DAB1: variants seen among roughly 807,000 people sequenced by gnomAD.
DAB1 encodes DAB adaptor protein 1.
A neutral mutation model predicts 64.6 loss-of-function variants in DAB1; 15 were observed. The observed-to-expected ratio is 0.23, with a 90% confidence interval of 0.16 to 0.36. The LOEUF (loss-of-function observed/expected upper bound fraction) is 0.36. DAB1 is among the 10% of genes least tolerant of loss of function. DAB1 has a pLI of 1.00. For synonymous variants in DAB1, 235 were observed against 251.9 expected, an observed-to-expected ratio of 0.93 and a Z score of 0.64; for missense variants, 596 against 706.7, an observed-to-expected ratio of 0.84 and a Z score of 1.78.
chr1:57,264,670 A>C (rs1295808178), intron 2 of DAB1, among the ~76,000 whole-genome samples: 1 of 150,828 alleles, frequency 6.6e-6, no homozygotes, highest in Non-Finnish European at 1.5e-5. Context: ...TGACGCCTAA[A>C]CATTGAGAGC....
intron 4 of DAB1, among the ~76,000 whole-genome samples, chr1:57,109,754 G>A (rs543977241): frequency 1.3e-5 from 2 of 152,232 alleles, no homozygotes; most frequent in Non-Finnish European, 2.9e-5. Context: ...TTCCTGATGA[G>A]AATAGGAAAA....
chr1:57,051,509 T>C (rs1409099150), intron 9 of DAB1, among the ~76,000 whole-genome samples: 2 of 152,142 alleles, frequency 1.3e-5, no homozygotes. Flanking sequence ...ATTAATGGAT[T>C]GAAGCTTCTG....
intron 7 of DAB1, among the ~76,000 whole-genome samples, chr1:57,534,146 G>A (rs894441416): frequency 6.6e-6 from 1 of 152,124 alleles, no homozygotes; most frequent in Non-Finnish European, 1.5e-5. Context: ...TCATCCAGGA[G>A]TGCTCTGAAA....
At chr1:58,489,372 C>T (rs955852482) in intron 3 of DAB1, among the ~76,000 whole-genome samples, 4 of 152,214 alleles carry the variant, frequency 2.6e-5, no homozygotes, top group African/African-American at 9.6e-5. Context: ...GATCAAACTG[C>T]AAGGTGGCAG....
chr1:58,352,795 T>A (rs1644071263), intron 3 of DAB1, among the ~76,000 whole-genome samples: 2 of 152,094 alleles, frequency 1.3e-5, no homozygotes, highest in South Asian at 4.1e-4. Flanking sequence ...GAATGAAGCC[T>A]GATGAATGGG....
chr1:57,515,954 A>G (rs1318585141), intron 7 of DAB1, among the ~76,000 whole-genome samples: 2 of 152,240 alleles, frequency 1.3e-5, no homozygotes, highest in Non-Finnish European at 2.9e-5. Context: ...CCCATTGAAG[A>G]TTCCCTGAGC....
intron 3 of DAB1, among the ~76,000 whole-genome samples, chr1:58,380,391 C>T (rs1417923524): frequency 6.6e-6 from 1 of 152,098 alleles, no homozygotes; most frequent in Admixed American, 6.5e-5. Flanking sequence ...TTTCCTAAGG[C>T]CTCCCCAGCC....
chr1:58,156,246 T>C (rs1248611039), intron 4 of DAB1, among the ~76,000 whole-genome samples: 1 of 152,192 alleles, frequency 6.6e-6, no homozygotes, highest in African/African-American at 2.4e-5. Flanking sequence ...TCAAATGAGA[T>C]GAAGTGATTG....
chr1:58,541,768 A>C (rs1030542360), intron 1 of DAB1, among the ~76,000 whole-genome samples: 1 of 152,056 alleles, frequency 6.6e-6, no homozygotes. Context: ...TTTATTCCTG[A>C]GATACTTGCT....
intron 1 of DAB1, among the ~76,000 whole-genome samples, chr1:57,383,959 A>C (rs1008535034): frequency 3.3e-5 from 5 of 152,218 alleles, no homozygotes; most frequent in Non-Finnish European, 7.3e-5. Flanking sequence ...TGATCAAAAG[A>C]GTAATAAGTG....
intron 6 of DAB1, among the ~76,000 whole-genome samples, chr1:57,676,612 C>T (rs1255458954): frequency 6.6e-6 from 1 of 152,130 alleles, no homozygotes; most frequent in African/African-American, 2.4e-5. Context: ...TAACTATTGG[C>T]CCAAGGGAAA....
At chr1:58,234,868 C>G (rs1659945928) in intron 4 of DAB1, among the ~76,000 whole-genome samples, 1 of 152,130 alleles carries the variant, frequency 6.6e-6, no homozygotes, top group South Asian at 2.1e-4. Context: ...TATGTGGATT[C>G]CTAGATTCTG....
At chr1:57,057,374 A>G (rs1649876351) in intron 9 of DAB1, among the ~76,000 whole-genome samples, 1 of 152,152 alleles carries the variant, frequency 6.6e-6, no homozygotes, top group South Asian at 2.1e-4. Context: ...TAATTTTTAA[A>G]AAGAAAGTCT....
intron 7 of DAB1, among the ~76,000 whole-genome samples, chr1:57,522,279 G>A (rs938579572): frequency 6.6e-6 from 1 of 152,162 alleles, no homozygotes; most frequent in African/African-American, 2.4e-5. Flanking sequence ...CATGCAGTCA[G>A]GTGACCAGTA....
intron 4 of DAB1, among the ~76,000 whole-genome samples, chr1:58,178,835 G>C (rs1656628413): frequency 6.6e-6 from 1 of 152,116 alleles, no homozygotes; most frequent in Non-Finnish European, 1.5e-5. Context: ...TTCCTGGCTA[G>C]AATCTCCAGT....
intron 9 of DAB1, among the ~76,000 whole-genome samples, chr1:57,061,852 C>G (rs894238981): frequency 6.6e-6 from 1 of 152,078 alleles, no homozygotes; most frequent in Non-Finnish European, 1.5e-5. Context: ...CCAGGTAGAA[C>G]GATTTTAGCC....
At position 57,291,104 on chromosome 1, in the gene DAB1, G is replaced by GA; in HGVS notation, c.-75dup. On this transcript the variant is annotated 5_prime_UTR_variant, in exon 2 of 15. It introduces an in-frame stop codon into an upstream open reading frame of the 5' UTR. Coordinates refer to ENST00000371236, the MANE Select transcript of DAB1 (RefSeq NM_001365792.1). ...GCTCATTGAGGACTCTTCTCCAAGAGAAAGACTCCTCCCTTCAGAAATGAC... is the reference window on the plus strand; with the variant it reads ...GCTCATTGAGGACTCTTCTCCAAGAGAAAAGACTCCTCCCTTCAGAAATGAC... The GA allele has an allele frequency of 1.1e-6, 1 of 923,474 alleles. No individual in the cohort carries two copies. 57.2% of individuals were successfully genotyped at this position (923,474 alleles called of 1,614,324 possible).
intron 4 of DAB1, among the ~76,000 whole-genome samples, chr1:58,175,981 G>A (rs1656452570): frequency 6.6e-6 from 1 of 152,184 alleles, no homozygotes; most frequent in Non-Finnish European, 1.5e-5. Context: ...TGAAATGATG[G>A]AAGATCTAAT....
At chr1:58,074,574 A>ATGTGTGTGTGTG (rs1649517624) in intron 5 of DAB1, 3 of 124,424 alleles carry the variant, frequency 2.4e-5, no homozygotes, top group African/African-American at 6.0e-5. Context: ...GTATATATAT[A>ATGTGTGTGTGTG]TATATATATA....
Sources: allele counts gnomAD v4.1 joint callset (sites outside exome capture counted in the v4.1 genomes callset), GRCh38; gene constraint gnomAD v4.1.1; transcripts MANE v1.5; gene names NCBI Gene and HGNC (gene_info 2026-07-23, HGNC 2026-07-21).